Variants in PLAC8 observed in about 807,000 individuals in gnomAD.
PLAC8 encodes the protein placenta associated 8.
PLAC8 carries 6 observed loss-of-function variants against 12.6 expected under a neutral mutation model. The observed-to-expected ratio is 0.48, with a 90% CI of 0.26 to 0.94. The LOEUF (loss-of-function observed/expected upper bound fraction) is 0.94, where lower values mean the gene tolerates loss of function less well. Ranked by LOEUF, PLAC8 falls within the 40% of genes least tolerant of loss-of-function variation. PLAC8 has a pLI of 0.14. For synonymous variants in PLAC8, 54 were observed against 52.6 expected, an observed-to-expected ratio of 1.03 and a Z score of -0.11; for missense variants, 122 against 152.7, an observed-to-expected ratio of 0.80 and a Z score of 1.06.
At chr4:83,099,528 C>T (rs1732031411) in intron 3 of PLAC8, among the ~76,000 whole-genome samples, 2 of 152,242 alleles carry the variant, frequency 1.3e-5, no homozygotes, top group Admixed American at 6.5e-5. Flanking sequence ...TGCACCCATC[C>T]ATATAAGATG....
intron 3 of PLAC8, among the ~76,000 whole-genome samples, chr4:83,099,734 A>C (rs1452169068): frequency 6.6e-6 from 1 of 152,004 alleles, no homozygotes; most frequent in Non-Finnish European, 1.5e-5. Flanking sequence ...ATGGTGGCTC[A>C]CACCTGTAAT....
chr4:83,112,169 G>A (rs1418300710), intron 1 of PLAC8, among the ~76,000 whole-genome samples: 6 of 136,696 alleles, frequency 4.4e-5, no homozygotes, highest in African/African-American at 6.2e-5. Flanking sequence ...GCGAGACTCC[G>A]TCTCAAAAAA....
At chr4:83,101,018 T>C (rs1243926620) in intron 3 of PLAC8, among the ~76,000 whole-genome samples, 1 of 152,182 alleles carries the variant, frequency 6.6e-6, no homozygotes, top group Non-Finnish European at 1.5e-5. Flanking sequence ...AACATTCCCA[T>C]AAGTCAAAGC....
Position 83,101,093 on chromosome 4 carries a change from G to A in PLAC8, c.243+3803C>T, listed in dbSNP as rs149360402. Among the ~76,000 whole-genome samples, 277 of 152,214 alleles carry A rather than the reference G, an allele frequency of 1.8e-3. 3 individuals carry two copies. The highest frequency in any genetic ancestry group is 6.4e-3 in the African/African-American group (266 of 41,548). On this transcript the variant is annotated intron_variant, in intron 3 of 4. Transcript: ENST00000311507. Reference sequence around the variant, plus strand: ...GAAGGATAAGAGAGACAAAGCTGCAGAAGAAGCTGGGCGTGGTGGCTCATG... The same window carrying A: ...GAAGGATAAGAGAGACAAAGCTGCAAAAGAAGCTGGGCGTGGTGGCTCATG...
intron 3 of PLAC8, among the ~76,000 whole-genome samples, chr4:83,097,276 A>G (rs1472274970): frequency 6.6e-6 from 1 of 151,960 alleles, no homozygotes; most frequent in Admixed American, 6.6e-5. Context: ...TGTGATGTTT[A>G]TATATAAAAG....
At chr4:83,100,339 T>C (rs1732065416) in intron 3 of PLAC8, among the ~76,000 whole-genome samples, 1 of 151,774 alleles carries the variant, frequency 6.6e-6, no homozygotes, top group Non-Finnish European at 1.5e-5. Flanking sequence ...TCCAGTCATG[T>C]GAAGTGCTGG....
chr4:83,096,780 A>G lies in PLAC8; in HGVS notation c.244-1989T>C, dbSNP rs543403359. 7.3e-4 allele frequency among the ~76,000 whole-genome samples: 111 copies of G among 152,320 alleles called. 1 individual carries two copies. The highest frequency in any genetic ancestry group is 2.6e-3 in the African/African-American group (107 of 41,564). ...CTTGATATATGATAGCCAATACTGTAAGAAATTTCTATGTCTTGTTTTGTG... is the reference window on the plus strand; with the variant it reads ...CTTGATATATGATAGCCAATACTGTGAGAAATTTCTATGTCTTGTTTTGTG... On this transcript the variant is annotated intron_variant, in intron 3 of 4. Coordinates refer to ENST00000311507, the MANE Select transcript of PLAC8 (RefSeq NM_016619.3).
intron 2 of PLAC8, among the ~76,000 whole-genome samples, chr4:83,106,694 T>C (rs913070476): frequency 2.0e-5 from 3 of 152,186 alleles, no homozygotes; most frequent in African/African-American, 2.4e-5. Context: ...GGATAATGTA[T>C]TTTATTTTCT....
chr4:83,112,721 G>A (rs539695888), intron 1 of PLAC8, among the ~76,000 whole-genome samples: 5 of 152,144 alleles, frequency 3.3e-5, no homozygotes, highest in African/African-American at 7.2e-5. Context: ...ATTTGTACGC[G>A]CCTCTGTGAT....
intron 4 of PLAC8, 102 bp from the exon 5 acceptor site, chr4:83,091,073 A>C (rs1216699422): frequency 6.6e-6 from 1 of 152,230 alleles, no homozygotes; most frequent in African/African-American, 2.4e-5. Context: ...GAAAAGTTGC[A>C]AAGATAGTAC....
rs950262523 is a variant in PLAC8 at position 83,105,040 on chromosome 4, G to T, written c.119-20C>A. ...AGAGACCTAGACACATGAAACCAGG[G>T]GTACATATTACTCCACTCTGCCCCT... On this transcript the variant is annotated intron_variant, in intron 2 of 4. Coordinates refer to ENST00000311507, the MANE Select transcript of PLAC8 (RefSeq NM_016619.3). 16 of 1,613,574 alleles carry T rather than the reference G, an allele frequency of 9.9e-6. No homozygotes were observed. The African/African-American group carries it at 1.6e-4, about 16-fold the overall frequency.
chr4:83,106,284 C>CTTA (rs1732238422), intron 2 of PLAC8, among the ~76,000 whole-genome samples: 1 of 151,808 alleles, frequency 6.6e-6, no homozygotes, highest in African/African-American at 2.4e-5. Context: ...CAGGTGTGAG[C>CTTA]CACCACGCCC....
intron 3 of PLAC8, among the ~76,000 whole-genome samples, chr4:83,100,268 G>A (rs1349440112): frequency 1.0e-3 from 144 of 139,262 alleles, no homozygotes; most frequent in Admixed American, 1.7e-3. Flanking sequence ...GTGACAGAGC[G>A]AGACTCCATC....
At chr4:83,111,973 G>A (rs1429341327) in intron 1 of PLAC8, among the ~76,000 whole-genome samples, 6 of 151,938 alleles carry the variant, frequency 3.9e-5, no homozygotes, top group African/African-American at 9.7e-5. Flanking sequence ...TCGGGAGTTC[G>A]AGACCAACCT....
At chr4:83,107,261 C>T (rs1732271352) in intron 2 of PLAC8, among the ~76,000 whole-genome samples, 1 of 150,782 alleles carries the variant, frequency 6.6e-6, no homozygotes, top group Admixed American at 6.6e-5. Flanking sequence ...TTTTTTTCCC[C>T]AGTGACAAGC....
chr4:83,098,289 T>TA (rs902041024), intron 3 of PLAC8, among the ~76,000 whole-genome samples: 2 of 152,116 alleles, frequency 1.3e-5, no homozygotes, highest in East Asian at 1.9e-4. Flanking sequence ...GGCCAAGAGC[T>TA]AAAAAAAATT....
intron 3 of PLAC8, among the ~76,000 whole-genome samples, chr4:83,101,437 T>C (rs557806385): frequency 6.6e-6 from 1 of 152,136 alleles, no homozygotes; most frequent in Non-Finnish European, 1.5e-5. Context: ...AGTCTGAAGC[T>C]AAAAGAGGTT....
chr4:83,110,502 A>AT (rs1180753192), intron 1 of PLAC8, among the ~76,000 whole-genome samples: 1 of 152,158 alleles, frequency 6.6e-6, no homozygotes, highest in East Asian at 1.9e-4. Flanking sequence ...AAGGCAGGGG[A>AT]TTTTGTGGGC....
At chr4:83,098,700 G>T (rs570651032) in intron 3 of PLAC8, among the ~76,000 whole-genome samples, 1 of 151,668 alleles carries the variant, frequency 6.6e-6, no homozygotes, top group East Asian at 1.9e-4. Flanking sequence ...ATTGAGTCTT[G>T]TTTGGAAAGC....
Sources: gnomAD v4.1 joint callset for allele counts (sites outside exome capture counted in the v4.1 genomes callset) on GRCh38, gnomAD v4.1.1 for gene constraint, MANE v1.5 for transcripts, NCBI Gene and HGNC (gene_info 2026-07-23, HGNC 2026-07-21) for gene names.